THAP8: variants seen among roughly 807,000 people sequenced by gnomAD.
THAP8 encodes THAP domain containing 8, also known as THAP domain-containing protein 8.
Under a neutral mutation model 25.0 loss-of-function variants are expected in THAP8, and 24 were observed. The ratio of observed to expected loss-of-function variants is 0.96; its 90% CI spans 0.69 to 1.35. The LOEUF (loss-of-function observed/expected upper bound fraction) is 1.35. Among genes scored for constraint, THAP8 ranks in the 40% most tolerant of loss-of-function variants. THAP8 has a pLI of 0.00. For missense variants in THAP8, 399 were observed against 368.8 expected (o/e 1.08, Z -0.67); for synonymous variants, 169 against 157.6 (o/e 1.07, Z -0.54).
In THAP8 at chr19:36,035,191, T is replaced by G; in HGVS notation, c.*249A>C. ...CTCTGCTCTGAGGCTGTCGTACTGA[T>G]TTGCAAAGATCTGAGCCGGGGGTGG... is the stretch of plus-strand genomic sequence containing the variant. On this transcript the variant is annotated 3_prime_UTR_variant, in exon 4 of 4. Transcript: ENST00000292894. 1 of 454,182 alleles carries G rather than the reference T, an allele frequency of 2.2e-6. No individual in the cohort carries two copies. The highest frequency in any genetic ancestry group is 3.9e-6 in the Non-Finnish European group (1 of 254,206). 28.1% of individuals were successfully genotyped at this position (454,182 alleles called of 1,614,324 possible).
At chr19:36,035,717 T>G in intron 3 of THAP8, 125 bp from the exon 4 acceptor site, 1 of 1,091,984 alleles carries the variant, frequency 9.2e-7, no homozygotes, top group Non-Finnish European at 1.3e-6. Context: ...CAGAGAGAGA[T>G]GTGGGGAGAG....
In THAP8 at chr19:36,036,805, G is replaced by A. The variant is rs150273074; in HGVS notation, c.673-1213C>T. On this transcript the variant is annotated intron_variant, in intron 3 of 3. Transcript: ENST00000292894. ...CAAACACAAAACTTAGCTGGGCATGGTGGCACGTGCCTGTAATCCCAGCTA... is the reference window on the plus strand; with the variant it reads ...CAAACACAAAACTTAGCTGGGCATGATGGCACGTGCCTGTAATCCCAGCTA... Among the ~76,000 whole-genome samples, 21 of 152,180 alleles carry A rather than the reference G, an allele frequency of 1.4e-4. No homozygotes were observed. The East Asian group carries it at 3.1e-3, about 22-fold the overall frequency.
chr19:36,043,263 C>T (rs925280098), intron 1 of THAP8, among the ~76,000 whole-genome samples: 1 of 152,070 alleles, frequency 6.6e-6, no homozygotes, highest in Non-Finnish European at 1.5e-5. Flanking sequence ...ACACATGCAA[C>T]AACACAGATG....
chr19:36,039,196 A>C (rs2145431491), intron 3 of THAP8, 127 bp downstream of exon 3: 1 of 1,322,416 alleles, frequency 7.6e-7, no homozygotes, highest in Middle Eastern at 2.8e-4. Flanking sequence ...AGCCCGGGAA[A>C]GCCAGAAATT....
chr19:36,049,882 A>C (rs1418983757), intron 1 of THAP8, among the ~76,000 whole-genome samples: 1 of 151,980 alleles, frequency 6.6e-6, no homozygotes, highest in East Asian at 1.9e-4. Flanking sequence ...GTGAAACTCC[A>C]TCTCTACTAA....
At chr19:36,040,364 T>C (rs1378270995) in intron 1 of THAP8, among the ~76,000 whole-genome samples, 2 of 152,292 alleles carry the variant, frequency 1.3e-5, no homozygotes, top group East Asian at 3.9e-4. Flanking sequence ...TTCGCACTTG[T>C]CACCCAGGCT....
chr19:36,038,277 T>G (rs1008217738), intron 3 of THAP8, among the ~76,000 whole-genome samples: 6 of 151,424 alleles, frequency 4.0e-5, no homozygotes, highest in African/African-American at 7.3e-5. Context: ...TGGTTTTTGG[T>G]TTTTTTTGAG....
chr19:36,050,203 T>C (rs916408403), intron 1 of THAP8, among the ~76,000 whole-genome samples: 1 of 152,170 alleles, frequency 6.6e-6, no homozygotes, highest in Non-Finnish European at 1.5e-5. Flanking sequence ...TAGAGTACAG[T>C]GGCACAATCA....
intron 1 of THAP8, among the ~76,000 whole-genome samples, chr19:36,052,667 A>G (rs1970088739): frequency 6.6e-6 from 1 of 152,232 alleles, no homozygotes. Flanking sequence ...CAGATGCAAT[A>G]AAGTTTACAT....
Position 36,039,960 on chromosome 19 carries a change from CG to C in THAP8, c.259del (p.Arg87GlyfsTer44), listed in dbSNP as rs1969629553. On this transcript the variant is annotated frameshift_variant, in exon 2 of 4. Coordinates refer to ENST00000292894, the MANE Select transcript of THAP8 (RefSeq NM_152658.3). LOFTEE classifies it high-confidence loss of function. ...RPDAVPSIFSRGPPAKSQRRT... is the reference protein window; with the variant it reads ...RPDAVPSIFSXGPPAKSQRRT... Reference sequence around the variant, plus strand: ...AGCGCTCACCTTGGCAGGTGGTCCCCGGGAGAAGATGGAGGGCACTGCATCA... The same window carrying C: ...AGCGCTCACCTTGGCAGGTGGTCCCCGGAGAAGATGGAGGGCACTGCATCA... 6.2e-7 allele frequency: 1 copy of C among 1,612,970 alleles called. No individual in the cohort carries two copies. The highest frequency in any genetic ancestry group is 8.5e-7 in the Non-Finnish European group (1 of 1,179,896).
At chr19:36,048,382 T>A (rs2145453417) in intron 1 of THAP8, among the ~76,000 whole-genome samples, 1 of 151,174 alleles carries the variant, frequency 6.6e-6, no homozygotes, top group South Asian at 2.1e-4. Flanking sequence ...TTTTTTTTTT[T>A]TAGACGAAGT....
At chr19:36,054,376 A>G, upstream of THAP8, 4 of 830,720 alleles carry the variant, frequency 4.8e-6, no homozygotes, top group Non-Finnish European at 7.6e-6. Flanking sequence ...GCGCCTGCCT[A>G]CTAGGCGCCC....
At chr19:36,050,061 A>C (rs187669905) in intron 1 of THAP8, among the ~76,000 whole-genome samples, 3,053 of 152,084 alleles carry the variant, frequency 0.02, 105 homozygotes, top group African/African-American at 0.071. Context: ...CTCAAAAAAA[A>C]AAAAAAAAAA....
chr19:36,039,937 C>A lies in THAP8; in HGVS notation c.276+7G>T. On this transcript the variant is annotated splice_region_variant and intron_variant, in intron 2 of 3. Transcript: ENST00000292894. ...GGATTCCAGCAGCAGGACCTCCCAG[C>A]GCTCACCTTGGCAGGTGGTCCCCGG... 1.9e-6 allele frequency: 3 copies of A among 1,612,452 alleles called. No homozygotes were observed. Among genetic ancestry groups the A allele is most frequent in the Non-Finnish European group, 2.5e-6 (3 of 1,179,794 alleles).
chr19:36,039,446 C>T lies in THAP8; in HGVS notation c.549G>A (p.Arg183=). The T allele has an allele frequency of 1.3e-6, 2 of 1,594,730 alleles. No homozygotes were observed. Among genetic ancestry groups the T allele is most frequent in the South Asian group, 1.1e-5 (1 of 88,458 alleles). ...LGPVLGALQR[R]VRRLQRCQER... ...CCTGGCACCGTTGCAGCCTCCGCAC[C>T]CGGCGTTGCAGTGCTCCCAGCACTG... is the stretch of plus-strand genomic sequence containing the variant. Residue 183 remains arginine (R), a synonymous_variant, in exon 3 of 4, where the codon CGG becomes CGA. Coordinates refer to ENST00000292894, the MANE Select transcript of THAP8 (RefSeq NM_152658.3).
upstream of THAP8, chr19:36,054,485 A>G (rs926214059): frequency 8.6e-6 from 5 of 579,866 alleles, no homozygotes; most frequent in East Asian, 5.8e-5. Context: ...CCCGACTTTC[A>G]TCACGTGTTG....
chr19:36,053,331 G>C (rs1226917600), intron 1 of THAP8, among the ~76,000 whole-genome samples: 2 of 121,152 alleles, frequency 1.7e-5, no homozygotes, highest in Non-Finnish European at 3.2e-5. Flanking sequence ...GCCTCCCAAA[G>C]TGCTGGGATT....
rs1430095688 is a variant in THAP8 at position 36,037,273 on chromosome 19, C to T, written c.673-1681G>A. ...ACACACACACACACACACACACACA[C>T]ACACACCTTCCTCAGCTTCCTCCCC... On this transcript the variant is annotated intron_variant, in intron 3 of 3. Transcript: ENST00000292894. Among the ~76,000 whole-genome samples the T allele has an allele frequency of 3.8e-5, 5 of 132,320 alleles. No homozygotes were observed. The East Asian group carries it at 1.1e-3, about 29-fold the overall frequency. 86.8% of individuals were successfully genotyped at this position (132,320 alleles called of 152,430 possible).
chr19:36,054,002 T>C, intron 1 of THAP8, 133 bp downstream of exon 1: 1 of 934,910 alleles, frequency 1.1e-6, no homozygotes, highest in Non-Finnish European at 1.6e-6. Flanking sequence ...AGGAAGGCCA[T>C]CTCCTCATGG....
Sources: gnomAD v4.1 joint callset for allele counts (sites outside exome capture counted in the v4.1 genomes callset) on GRCh38, gnomAD v4.1.1 for gene constraint, MANE v1.5 for transcripts, NCBI Gene and HGNC (gene_info 2026-07-23, HGNC 2026-07-21) for gene names.